Variants in DAGLB observed in about 807,000 individuals in gnomAD.
DAGLB encodes the protein diacylglycerol lipase-beta.
DAGLB carries 66 observed loss-of-function variants against 72.1 expected under a neutral mutation model. The ratio of observed to expected loss-of-function variants is 0.92; its 90% CI spans 0.75 to 1.12. The LOEUF (loss-of-function observed/expected upper bound fraction) is 1.12, where lower values mean the gene tolerates loss of function less well. Among genes scored for constraint, DAGLB ranks in the 50% most tolerant of loss-of-function variants. DAGLB has a pLI of 0.00. For synonymous variants in DAGLB, 414 were observed against 359.5 expected, an observed-to-expected ratio of 1.15 and a Z score of -1.71; for missense variants, 1,065 against 884.9, an observed-to-expected ratio of 1.20 and a Z score of -2.58.
intron 11 of DAGLB, 40 bp downstream of exon 11, chr7:6,416,587 G>GT (rs981314043): frequency 4.5e-6 from 7 of 1,556,948 alleles, no homozygotes; most frequent in Non-Finnish European, 6.1e-6. Context: ...CACATGACTT[G>GT]TAAGTAGCAA....
chr7:6,415,374 G>A (rs1271983805), intron 11 of DAGLB, among the ~76,000 whole-genome samples: 1 of 151,704 alleles, frequency 6.6e-6, no homozygotes. Flanking sequence ...AGCTCTTTTT[G>A]TTCTTTACGT....
chr7:6,436,542 C>T lies in DAGLB; in HGVS notation c.248-9G>A. The T allele has an allele frequency of 6.2e-7, 1 of 1,612,744 alleles. No homozygotes were observed. Among genetic ancestry groups the T allele is most frequent in the Non-Finnish European group, 8.5e-7 (1 of 1,179,710 alleles). The stretch of plus-strand genomic sequence containing the variant: ...AGGGTTACAAATCGTTCCTGAAATA[C>T]AAAAAACGTTCCGACTGCTCAGTTG... On this transcript the variant is annotated splice_polypyrimidine_tract_variant and intron_variant, in intron 2 of 14. Coordinates refer to ENST00000297056, the MANE Select transcript of DAGLB (RefSeq NM_139179.4).
chr7:6,425,434 G>C (rs2115264245), intron 7 of DAGLB, among the ~76,000 whole-genome samples: 1 of 152,274 alleles, frequency 6.6e-6, no homozygotes. Context: ...ACCACGCCCA[G>C]CTAATTTTTG....
At position 6,426,210 on chromosome 7, in the gene DAGLB, A is replaced by G. The variant is rs549955567; in HGVS notation, c.930-96T>C. The G allele has an allele frequency of 3.9e-6, 6 of 1,553,530 alleles. No homozygotes were observed. The African/African-American group carries it at 8.1e-5, about 21-fold the overall frequency. On this transcript the variant is annotated intron_variant, in intron 6 of 14. Transcript: ENST00000297056. ...ACATGTTCCCAGAGACGCGAGGACC[A>G]GAGCGGACAATTCTCAGGACTTAGC...
intron 4 of DAGLB, 101 bp downstream of exon 4, chr7:6,434,661 C>T: frequency 1.9e-6 from 3 of 1,557,844 alleles, no homozygotes; most frequent in Non-Finnish European, 2.6e-6. Context: ...CCAAAGACAC[C>T]AGGTTCTCAA....
intron 2 of DAGLB, chr7:6,445,675 C>T: frequency 4.0e-6 from 1 of 247,404 alleles, no homozygotes; most frequent in East Asian, 8.5e-5. Context: ...GTTGGCCAGG[C>T]TAGTCTCATG....
chr7:6,414,630 C>T (rs1289459249), intron 11 of DAGLB, among the ~76,000 whole-genome samples: 1 of 152,090 alleles, frequency 6.6e-6, no homozygotes, highest in African/African-American at 2.4e-5. Flanking sequence ...CTATACACTA[C>T]AGTTACATTT....
In DAGLB at chr7:6,426,930, G is replaced by C. The variant is rs368348685; in HGVS notation, c.930-816C>G. On this transcript the variant is annotated intron_variant, in intron 6 of 14. Coordinates refer to ENST00000297056, the MANE Select transcript of DAGLB (RefSeq NM_139179.4). ...CGAGACCAGTCTGGCCAACGTGCTG[G>C]AACCCCACCTCTACTAAAAATACAA... 1.1e-3 allele frequency among the ~76,000 whole-genome samples: 170 copies of C among 152,110 alleles called. 1 individual carries two copies. The highest frequency in any genetic ancestry group is 3.4e-3 in the Middle Eastern group (1 of 294).
Position 6,416,874 on chromosome 7 carries a change from G to A in DAGLB, c.1266C>T (p.Asp422=), listed in dbSNP as rs1005030700. The A allele has an allele frequency of 6.2e-6, 10 of 1,614,216 alleles. No individual in the cohort carries two copies. The highest frequency in any genetic ancestry group is 7.6e-6 in the Non-Finnish European group (9 of 1,180,040). The change falls in exon 10 of 15, where the codon GAC becomes GAT. Residue 422 remains aspartate (D), a synonymous_variant. Transcript: ENST00000297056. ...ARYVYQRLIN[D]GILSQAFSIA... Reference sequence around the variant, plus strand: ...TGCTGAAGGCTTGGCTCAAAATCCCGTCGTTGATGAGTCGTTGGTAAACGT... The same window carrying A: ...TGCTGAAGGCTTGGCTCAAAATCCCATCGTTGATGAGTCGTTGGTAAACGT...
rs779609542 is a variant in DAGLB at position 6,430,529 on chromosome 7, A to G, written c.880T>C (p.Tyr294His). 6.2e-7 allele frequency: 1 copy of G among 1,601,492 alleles called. No homozygotes were observed. Among genetic ancestry groups the G allele is most frequent in the East Asian group, 2.2e-5 (1 of 44,698 alleles). The change falls in exon 6 of 15, where the codon TAC becomes CAC. Residue 294 changes from tyrosine to histidine, a missense_variant. Physicochemically the swap from Tyr to His is moderately conservative, Grantham distance 83 (BLOSUM62 2). Transcript: ENST00000297056. ...FAAAAYGWPLYIYRNPLTGLC... is the reference protein window; with the variant it reads ...FAAAAYGWPLHIYRNPLTGLC... Reference sequence around the variant, plus strand: ...CCCGTGAGGGGGTTTCTGTAGATGTAGAGGGGCCACCCATAGGCCGCTGCT... The same window carrying G: ...CCCGTGAGGGGGTTTCTGTAGATGTGGAGGGGCCACCCATAGGCCGCTGCT...
At chr7:6,417,129 C>T (rs1015055850) in intron 9 of DAGLB, 65 of 572,890 alleles carry the variant, frequency 1.1e-4, no homozygotes, top group African/African-American at 1.7e-4. Context: ...GGTGTGGTGG[C>T]GCACGCTTGT....
chr7:6,440,673 G>C (rs1460503949), intron 2 of DAGLB, among the ~76,000 whole-genome samples: 1 of 152,178 alleles, frequency 6.6e-6, no homozygotes, highest in Non-Finnish European at 1.5e-5. Context: ...ATGGCGGGAA[G>C]TTCGAGACCA....
chr7:6,418,696 G>A (rs1018295701), intron 9 of DAGLB, among the ~76,000 whole-genome samples: 3 of 150,234 alleles, frequency 2.0e-5, no homozygotes, highest in South Asian at 2.1e-4. Flanking sequence ...ACAGAGTCTC[G>A]CTTTGTCGCC....
intron 2 of DAGLB, among the ~76,000 whole-genome samples, chr7:6,444,378 G>A (rs1489487328): frequency 6.6e-6 from 1 of 152,172 alleles, no homozygotes; most frequent in Non-Finnish European, 1.5e-5. Context: ...GAAGCGGGTG[G>A]ATCACGTGAG....
intron 9 of DAGLB, among the ~76,000 whole-genome samples, chr7:6,418,924 A>C (rs894930203): frequency 1.3e-5 from 2 of 152,048 alleles, no homozygotes; most frequent in Admixed American, 6.6e-5. Flanking sequence ...TCGGCCTCCC[A>C]AAGTGCTGGG....
At chr7:6,420,689 C>T (rs117781377) in intron 9 of DAGLB, among the ~76,000 whole-genome samples, 53 of 151,400 alleles carry the variant, frequency 3.5e-4, no homozygotes, top group African/African-American at 1.1e-3. Flanking sequence ...TAACGACCAA[C>T]GAACAGTGAA....
intron 9 of DAGLB, among the ~76,000 whole-genome samples, chr7:6,419,077 C>T (rs1244969769): frequency 1.4e-5 from 2 of 143,936 alleles, no homozygotes; most frequent in African/African-American, 5.3e-5. Context: ...TCAGATGGCA[C>T]TTCCTTTTTT....
intron 7 of DAGLB, among the ~76,000 whole-genome samples, chr7:6,425,345 C>T (rs1311964914): frequency 6.6e-6 from 1 of 152,126 alleles, no homozygotes; most frequent in East Asian, 1.9e-4. Flanking sequence ...AATCTCAACT[C>T]ACTGTAACCT....
At chr7:6,413,146 G>T in intron 11 of DAGLB, 112 bp from the exon 12 acceptor site, 1 of 1,136,800 alleles carries the variant, frequency 8.8e-7, no homozygotes, top group Non-Finnish European at 1.3e-6. Context: ...CCTCAGCTCT[G>T]TTCTCTCTTC....
Sources: gnomAD v4.1 joint callset for allele counts (sites outside exome capture counted in the v4.1 genomes callset) on GRCh38, gnomAD v4.1.1 for gene constraint, MANE v1.5 for transcripts, NCBI Gene and HGNC (gene_info 2026-07-23, HGNC 2026-07-21) for gene names.